Variants in PTPRM observed in about 807,000 individuals in gnomAD.
PTPRM encodes the protein protein tyrosine phosphatase receptor type M.
PTPRM carries 47 observed loss-of-function variants against 186.7 expected under a neutral mutation model. That is an observed-to-expected ratio of 0.25 (90% confidence interval 0.20 to 0.32). The LOEUF (loss-of-function observed/expected upper bound fraction) is 0.32. PTPRM is among the 10% of genes least tolerant of loss of function. The pLI is 1.00. For missense variants in PTPRM, 1,494 were observed against 1,865.0 expected, an observed-to-expected ratio of 0.80 and a Z score of 3.66; for synonymous variants, 668 against 674.9, an observed-to-expected ratio of 0.99 and a Z score of 0.16.
intron 14 of PTPRM, among the ~76,000 whole-genome samples, chr18:8,240,669 GAAAGAAAGAAAA>G (rs2094416775): frequency 1.0e-5 from 1 of 97,616 alleles, no homozygotes; most frequent in Non-Finnish European, 2.0e-5. Context: ...AAGAAAGAAA[GAAAGAAAGAAAA>G]AGAAAGAGAG....
chr18:7,898,436 G>A (rs7238520), intron 3 of PTPRM, among the ~76,000 whole-genome samples: 4,753 of 152,252 alleles, frequency 0.031, 245 homozygotes, highest in African/African-American at 0.11. Flanking sequence ...TCACTGAAGC[G>A]GGGAGGATCA....
chr18:7,838,966 G>C (rs2046194633), intron 2 of PTPRM, among the ~76,000 whole-genome samples: 1 of 152,206 alleles, frequency 6.6e-6, no homozygotes, highest in African/African-American at 2.4e-5. Context: ...GGCCCACAGG[G>C]AGTACTGCCA....
intron 7 of PTPRM, among the ~76,000 whole-genome samples, chr18:8,030,678 C>A (rs542471158): frequency 1.3e-5 from 2 of 152,306 alleles, no homozygotes; most frequent in South Asian, 4.1e-4. Context: ...GAGGTGTCTT[C>A]TCTCAAAATG....
chr18:7,776,504 TTTTC>T (rs1374282981), intron 2 of PTPRM, among the ~76,000 whole-genome samples: 3 of 142,914 alleles, frequency 2.1e-5, no homozygotes, highest in East Asian at 3.9e-4. Flanking sequence ...CAGTTTTTCT[TTTTC>T]TTTCTTTTTT....
intron 5 of PTPRM, among the ~76,000 whole-genome samples, chr18:7,943,059 C>G (rs756969842): frequency 6.6e-6 from 1 of 152,036 alleles, no homozygotes; most frequent in Non-Finnish European, 1.5e-5. Flanking sequence ...TCACATCTTT[C>G]TGCGTGTTGG....
At chr18:7,616,620 C>T (rs904755591) in intron 1 of PTPRM, among the ~76,000 whole-genome samples, 1 of 152,184 alleles carries the variant, frequency 6.6e-6, no homozygotes, top group Non-Finnish European at 1.5e-5. Context: ...TTCCCCACTA[C>T]CAGCCCGGGC....
At position 7,619,539 on chromosome 18, in the gene PTPRM, A is replaced by G. The variant is rs568872625; in HGVS notation, c.73+51648A>G. On this transcript the variant is annotated intron_variant, in intron 1 of 32. Coordinates refer to ENST00000580170, the MANE Select transcript of PTPRM (RefSeq NM_001105244.2). ...TGATGATTATTTAGGGTCTTAAATA[A>G]CCATTTAAGTTCTGTACTATTTAAT... Among the ~76,000 whole-genome samples, 4 of 152,288 alleles carry G rather than the reference A, an allele frequency of 2.6e-5. No individual in the cohort carries two copies. In the South Asian group the frequency reaches 8.3e-4, roughly 32 times the overall value.
At chr18:7,947,789 T>C (rs1029642810) in intron 5 of PTPRM, among the ~76,000 whole-genome samples, 3 of 152,266 alleles carry the variant, frequency 2.0e-5, no homozygotes, top group Middle Eastern at 6.8e-3. Context: ...CTGCAGTTTG[T>C]CTGCAATGGG....
intron 14 of PTPRM, among the ~76,000 whole-genome samples, chr18:8,211,889 G>A (rs1358654548): frequency 6.6e-6 from 1 of 152,162 alleles, no homozygotes; most frequent in African/African-American, 2.4e-5. Flanking sequence ...GGGCTCGCTG[G>A]AGGCTGTGGC....
At chr18:7,892,241 G>A (rs1303838346) in intron 3 of PTPRM, among the ~76,000 whole-genome samples, 2 of 152,190 alleles carry the variant, frequency 1.3e-5, no homozygotes, top group Non-Finnish European at 2.9e-5. Flanking sequence ...AGCCTCCAGA[G>A]CCACAGTGTG....
In PTPRM at chr18:7,567,793, G is replaced by C. The variant is rs755798807; in HGVS notation, c.-26G>C. On this transcript the variant is annotated 5_prime_UTR_variant, in exon 1 of 33. Transcript: ENST00000580170. The surrounding 1 kb of genome is among the most constrained non-coding windows in gnomAD (Gnocchi z 4.3). ...CGCGCGCCCACCCACCGCCGCCGGG[G>C]AGCGGCCCGGCCCGCACTCAGCACC... The C allele has an allele frequency of 7.1e-5, 108 of 1,516,074 alleles. 1 individual carries two copies. Among genetic ancestry groups the C allele is most frequent in the South Asian group, 5.2e-4 (41 of 79,112 alleles). The allele number at this position is 1,516,074 out of a possible 1,614,324, so 93.9% of individuals were successfully genotyped here. A position where few individuals can be genotyped will look rare whatever the true frequency, so the allele number is the denominator to read the frequency against.
intron 2 of PTPRM, among the ~76,000 whole-genome samples, chr18:7,826,167 T>G (rs1480682018): frequency 2.6e-5 from 4 of 152,034 alleles, no homozygotes; most frequent in African/African-American, 7.2e-5. Context: ...CTGTGTTACC[T>G]CGCAGAAAGC....
At chr18:8,122,373 GCT>G (rs1403806883) in intron 13 of PTPRM, 1 of 152,586 alleles carries the variant, frequency 6.6e-6, no homozygotes, top group African/African-American at 2.4e-5. Flanking sequence ...ATTTTTCTCA[GCT>G]CTGTTTCCCC....
rs545183999 is a variant in PTPRM, at chr18:7,672,974, C to T, written c.74-101175C>T. On this transcript the variant is annotated intron_variant, in intron 1 of 32. Transcript: ENST00000580170. ...GCAGCTTCCTGAGAGTGGGAGACTT[C>T]TCAAAGTGAGACTGAAAGAAGGCTC... is the stretch of plus-strand genomic sequence containing the variant. 2.6e-5 allele frequency among the ~76,000 whole-genome samples: 4 copies of T among 152,314 alleles called. No individual in the cohort carries two copies. In the East Asian group the frequency reaches 7.7e-4, roughly 29 times the overall value.
intron 1 of PTPRM, chr18:7,751,609 G>A (rs2041219496): frequency 6.6e-6 from 1 of 152,164 alleles, no homozygotes; most frequent in Non-Finnish European, 1.5e-5. Flanking sequence ...GTGATTTGGG[G>A]TAGAAAACAT....
At chr18:8,064,646 T>C in intron 7 of PTPRM, among the ~76,000 whole-genome samples, 1 of 152,226 alleles carries the variant, frequency 6.6e-6, no homozygotes, top group South Asian at 2.1e-4. Context: ...AGTACATAGA[T>C]GCCTGTAGGG....
chr18:7,721,136 A>C (rs1598433976), intron 1 of PTPRM, among the ~76,000 whole-genome samples: 1 of 118,214 alleles, frequency 8.5e-6, no homozygotes, highest in African/African-American at 2.9e-5. Context: ...AACACTTATT[A>C]TTTTCTTTTT....
chr18:7,973,224 C>T (rs2099932), intron 7 of PTPRM, among the ~76,000 whole-genome samples: 2,551 of 151,922 alleles, frequency 0.017, 54 homozygotes, highest in African/African-American at 0.058. Context: ...ACAATTATTT[C>T]GATTTCTATA....
At chr18:7,749,980 T>C (rs1309441022) in intron 1 of PTPRM, among the ~76,000 whole-genome samples, 14 of 152,230 alleles carry the variant, frequency 9.2e-5, no homozygotes, top group Non-Finnish European at 2.1e-4. Flanking sequence ...TAATGACACA[T>C]AACGTTGGTT....
Sources: gnomAD v4.1 joint callset for allele counts (sites outside exome capture counted in the v4.1 genomes callset) on GRCh38, gnomAD v4.1.1 for gene constraint, Gnocchi (gnomAD v3.1) non-coding constraint, MANE v1.5 for transcripts, NCBI Gene and HGNC (gene_info 2026-07-23, HGNC 2026-07-21) for gene names.